Variants in ENTPD5 observed in about 807,000 individuals in gnomAD.
ENTPD5 encodes ectonucleoside triphosphate diphosphohydrolase 5 (inactive).
Under a neutral mutation model 60.2 loss-of-function variants are expected in ENTPD5, and 49 were observed. The observed-to-expected ratio is 0.81, with a 90% CI of 0.65 to 1.03. The LOEUF is 1.03. Among genes scored for constraint, ENTPD5 ranks in the 50% least tolerant of loss-of-function variants. The probability of loss-of-function intolerance (pLI) is 0.00; values close to 1 mark genes in which losing one functional copy is unlikely to be tolerated. For synonymous variants in ENTPD5, 187 were observed against 185.4 expected (o/e 1.01, Z -0.07); for missense variants, 480 against 507.6 (o/e 0.95, Z 0.52).
At chr14:73,958,347 G>T, downstream of ENTPD5, 1 of 1,609,468 alleles carries the variant, frequency 6.2e-7, no homozygotes, top group Non-Finnish European at 8.5e-7. Flanking sequence ...TAGGGACTCT[G>T]GTTTTCGATT....
chr14:73,973,181 T>G (rs1177541374), intron 12 of ENTPD5, among the ~76,000 whole-genome samples, 157 bp from the exon 13 acceptor site: 1 of 152,182 alleles, frequency 6.6e-6, no homozygotes, highest in East Asian at 1.9e-4. Context: ...AAAACAAAGA[T>G]GAGCAAACGT....
downstream of ENTPD5, chr14:73,958,786 G>A: frequency 6.7e-7 from 1 of 1,500,442 alleles, no homozygotes; most frequent in Non-Finnish European, 8.9e-7. Flanking sequence ...CTTTGGCTCT[G>A]TTGGCTGAGG....
chr14:73,962,310 C>T, downstream of ENTPD5, among the ~76,000 whole-genome samples: 1 of 152,102 alleles, frequency 6.6e-6, no homozygotes, highest in East Asian at 1.9e-4. Context: ...ATGTGTTTGC[C>T]TTCCCAAGGG....
intron 3 of ENTPD5, chr14:73,996,793 A>G (rs2058355274): frequency 6.6e-6 from 1 of 152,202 alleles, no homozygotes; most frequent in African/African-American, 2.4e-5. Context: ...AAATAAAAAA[A>G]TTATCTGGGC....
chr14:73,999,514 G>A (rs1352805250), intron 3 of ENTPD5, among the ~76,000 whole-genome samples: 2 of 146,116 alleles, frequency 1.4e-5, no homozygotes, highest in Admixed American at 1.4e-4. Flanking sequence ...AACAAAGGTA[G>A]GCCGGGCACG....
chr14:73,958,056 T>C, downstream of ENTPD5: 1 of 1,003,504 alleles, frequency 1.0e-6, no homozygotes. Flanking sequence ...ACTGCTGTCC[T>C]GGGACCTTGC....
At chr14:73,982,494 T>G (rs1293660367) in intron 6 of ENTPD5, among the ~76,000 whole-genome samples, 1 of 152,098 alleles carries the variant, frequency 6.6e-6, no homozygotes, top group Non-Finnish European at 1.5e-5. Flanking sequence ...CAGCAGCTCA[T>G]GCCTGTAATT....
At chr14:73,999,900 C>T (rs570850180) in intron 3 of ENTPD5, among the ~76,000 whole-genome samples, 2 of 151,462 alleles carry the variant, frequency 1.3e-5, no homozygotes, top group East Asian at 3.9e-4. Context: ...CCAGCCTGAC[C>T]AACATGATGA....
intron 3 of ENTPD5, among the ~76,000 whole-genome samples, chr14:74,002,638 C>T (rs1245724744): frequency 2.0e-5 from 3 of 152,304 alleles, no homozygotes; most frequent in South Asian, 2.1e-4. Context: ...TTTCTGACCA[C>T]TTCCATTGCT....
chr14:74,004,893 G>A (rs2058623634), intron 3 of ENTPD5, among the ~76,000 whole-genome samples: 2 of 152,142 alleles, frequency 1.3e-5, no homozygotes, highest in South Asian at 4.1e-4. Context: ...ATATTAGGAG[G>A]TGAGCATCAC....
chr14:73,994,081 ATTAG>A (rs1455419188), intron 3 of ENTPD5, among the ~76,000 whole-genome samples: 1 of 152,096 alleles, frequency 6.6e-6, no homozygotes, highest in Non-Finnish European at 1.5e-5. Context: ...CACTTTTAAG[ATTAG>A]TTATTTTAAA....
chr14:73,962,383 A>G (rs1299556602), downstream of ENTPD5, among the ~76,000 whole-genome samples: 3 of 152,054 alleles, frequency 2.0e-5, no homozygotes, highest in Admixed American at 6.6e-5. Context: ...AGCAATAACT[A>G]TGTATAAAAA....
intron 3 of ENTPD5, among the ~76,000 whole-genome samples, chr14:73,994,557 A>AC (rs924313916): frequency 6.6e-5 from 10 of 151,864 alleles, no homozygotes; most frequent in African/African-American, 2.4e-4. Flanking sequence ...ACATGGTGAC[A>AC]CCCCATCTCT....
rs1015620274 is a variant in ENTPD5, at chr14:73,983,423, G to T, written c.298-262C>A. On this transcript the variant is annotated intron_variant, in intron 5 of 15. Transcript: ENST00000334696. Reference sequence around the variant, plus strand: ...GGATCATTTGAGGTCAGGAGTTTGAGATCAGCCTGACCAACATGGTGAAAC... The same window carrying T: ...GGATCATTTGAGGTCAGGAGTTTGATATCAGCCTGACCAACATGGTGAAAC... Among the ~76,000 whole-genome samples the T allele has an allele frequency of 3.3e-5, 5 of 152,026 alleles. No individual in the cohort carries two copies. In the East Asian group the frequency reaches 9.7e-4, roughly 29 times the overall value.
downstream of ENTPD5, chr14:73,958,869 CACA>C (rs1283745183): frequency 5.1e-6 from 8 of 1,556,920 alleles, no homozygotes. Flanking sequence ...TATCCTGCCA[CACA>C]ACAATCAGAG....
chr14:73,961,142 C>A, downstream of ENTPD5: 2 of 1,608,354 alleles, frequency 1.2e-6, no homozygotes, highest in South Asian at 2.2e-5. Context: ...TCACATTTCA[C>A]CTTGTTTGTC....
chr14:74,008,531 C>T (rs1034103775), intron 3 of ENTPD5, among the ~76,000 whole-genome samples: 4 of 151,646 alleles, frequency 2.6e-5, no homozygotes, highest in African/African-American at 7.3e-5. Context: ...GTAGCTAGGA[C>T]GATGGGTGCC....
intron 3 of ENTPD5, among the ~76,000 whole-genome samples, chr14:73,997,783 T>C (rs1189083670): frequency 6.6e-6 from 1 of 152,160 alleles, no homozygotes; most frequent in African/African-American, 2.4e-5. Context: ...TGGTATCTTT[T>C]GTATTACCAA....
At chr14:73,998,231 G>A (rs920644136) in intron 3 of ENTPD5, among the ~76,000 whole-genome samples, 2 of 152,118 alleles carry the variant, frequency 1.3e-5, no homozygotes, top group Non-Finnish European at 2.9e-5. Flanking sequence ...AGGAGCATCT[G>A]AAGCCTGTTG....
Sources: gnomAD v4.1 joint callset for allele counts (sites outside exome capture counted in the v4.1 genomes callset) on GRCh38, gnomAD v4.1.1 for gene constraint, MANE v1.5 for transcripts, NCBI Gene and HGNC (gene_info 2026-07-23, HGNC 2026-07-21) for gene names.